The following WWP1 variants were observed in gnomAD, a reference collection of about 807,000 sequenced individuals.
The protein encoded by WWP1 is WW domain containing E3 ubiquitin protein ligase 1.
In WWP1, 49 loss-of-function variants were observed where a neutral mutation model predicts 130.6. The observed-to-expected ratio is 0.38, with a 90% confidence interval of 0.30 to 0.48. WWP1 has a LOEUF of 0.48. Ranked by LOEUF, WWP1 falls within the 20% of genes least tolerant of loss-of-function variation. The pLI, the probability that WWP1 is intolerant of heterozygous loss-of-function variation, is 0.99. For missense variants in WWP1, 809 were observed against 1,100.6 expected (o/e 0.74, Z 3.75); for synonymous variants, 332 against 367.8 (o/e 0.90, Z 1.11).
intron 18 of WWP1, among the ~76,000 whole-genome samples, chr8:86,443,778 C>G (rs1022038640): frequency 6.6e-6 from 1 of 152,128 alleles, no homozygotes; most frequent in Non-Finnish European, 1.5e-5. Context: ...CTGAATCATG[C>G]AGATATCTTG....
At chr8:86,390,118 C>T (rs1459252015) in intron 5 of WWP1, among the ~76,000 whole-genome samples, 2 of 151,652 alleles carry the variant, frequency 1.3e-5, no homozygotes, top group African/African-American at 2.4e-5. Context: ...CAGAGGCGCT[C>T]CCCACATCTC....
chr8:86,370,668 ATTCAT>A (rs1824233756), intron 2 of WWP1, among the ~76,000 whole-genome samples: 1 of 152,130 alleles, frequency 6.6e-6, no homozygotes, highest in Non-Finnish European at 1.5e-5. Flanking sequence ...CATCAAAATA[ATTCAT>A]TTCTTCTTTG....
chr8:86,448,714 T>A (rs1383130454), intron 20 of WWP1, among the ~76,000 whole-genome samples: 1 of 152,192 alleles, frequency 6.6e-6, no homozygotes, highest in African/African-American at 2.4e-5. Context: ...TCCCTTTCCA[T>A]GTCATTTTCC....
chr8:86,373,479 C>T (rs1824450505), intron 2 of WWP1, among the ~76,000 whole-genome samples: 1 of 152,000 alleles, frequency 6.6e-6, no homozygotes, highest in Non-Finnish European at 1.5e-5. Context: ...TTGAGGCTTC[C>T]CACCCCATGT....
chr8:86,408,266 G>T (rs1012452437), intron 8 of WWP1, among the ~76,000 whole-genome samples: 6 of 152,224 alleles, frequency 3.9e-5, no homozygotes, highest in Non-Finnish European at 7.4e-5. Flanking sequence ...TATTATAAAG[G>T]CTCCTTGGTT....
At chr8:86,458,117 A>G in intron 22 of WWP1, 92 bp downstream of exon 22, 1 of 1,042,908 alleles carries the variant, frequency 9.6e-7, no homozygotes. Flanking sequence ...TTTAATTGAG[A>G]CTGCTTTTGG....
intron 1 of WWP1, among the ~76,000 whole-genome samples, chr8:86,348,945 A>G (rs892466125): frequency 6.6e-6 from 1 of 152,148 alleles, no homozygotes; most frequent in Admixed American, 6.5e-5. Context: ...TTTCTCTCCA[A>G]GTAGCCTTTC....
chr8:86,466,474 T>G lies in WWP1; in HGVS notation c.2670-320T>G, dbSNP rs139560240. ...CTGAGTGGATGAAAGAAATGGACTC[T>G]TATCCTAAGAGAAGTTAAGAGGACT... On this transcript the variant is annotated intron_variant, in intron 24 of 24. Coordinates refer to ENST00000517970, the MANE Select transcript of WWP1 (RefSeq NM_007013.4). Among the ~76,000 whole-genome samples the G allele has an allele frequency of 9.8e-3, 1,497 of 152,110 alleles. 27 individuals carry two copies. Among genetic ancestry groups the G allele is most frequent in the African/African-American group, 0.034 (1,427 of 41,504 alleles).
chr8:86,400,639 T>C (rs1449147224), intron 7 of WWP1, among the ~76,000 whole-genome samples: 1 of 152,196 alleles, frequency 6.6e-6, no homozygotes. Context: ...CTTCTAACTC[T>C]AGAGAATAAT....
chr8:86,409,880 T>C (rs926672718), intron 8 of WWP1, among the ~76,000 whole-genome samples: 1 of 152,030 alleles, frequency 6.6e-6, no homozygotes, highest in African/African-American at 2.4e-5. Flanking sequence ...GTTCTTAAAA[T>C]GTTTTACAAT....
intron 17 of WWP1, among the ~76,000 whole-genome samples, chr8:86,441,353 T>C (rs1264168772): frequency 1.3e-5 from 2 of 152,232 alleles, no homozygotes; most frequent in Non-Finnish European, 2.9e-5. Flanking sequence ...TTACTATTTC[T>C]AGTTGATTTT....
At chr8:86,427,876 T>G in intron 11 of WWP1, 59 bp downstream of exon 11, 1 of 1,523,920 alleles carries the variant, frequency 6.6e-7, no homozygotes, top group South Asian at 1.3e-5. Context: ...TTCTTTCTTT[T>G]TTTTTTTTGC....
intron 3 of WWP1, among the ~76,000 whole-genome samples, chr8:86,378,788 T>G (rs1476138878): frequency 6.6e-6 from 1 of 152,174 alleles, no homozygotes; most frequent in Non-Finnish European, 1.5e-5. Flanking sequence ...TGGACGTATT[T>G]TGGATGGATC....
At position 86,369,273 on chromosome 8, in the gene WWP1, T is replaced by C. The variant is rs996027461; in HGVS notation, c.-22+242T>C. Among the ~76,000 whole-genome samples the C allele has an allele frequency of 5.9e-5, 9 of 152,324 alleles. No individual in the cohort carries two copies. In the East Asian group the frequency reaches 1.3e-3, roughly 23 times the overall value. On this transcript the variant is annotated intron_variant, in intron 2 of 24. Transcript: ENST00000517970. ...ATGACAGTACCTTATCTTTTAAGTG[T>C]CATACAACTTTATTAAATGAAGTGC...
At chr8:86,464,449 T>G (rs1043530915) in intron 24 of WWP1, among the ~76,000 whole-genome samples, 2 of 152,236 alleles carry the variant, frequency 1.3e-5, no homozygotes, top group African/African-American at 2.4e-5. Flanking sequence ...AACTTCTGTT[T>G]TAACTTCTAA....
intron 17 of WWP1, among the ~76,000 whole-genome samples, chr8:86,439,342 CA>C (rs59635746): frequency 0.22 from 28,444 of 126,920 alleles, 3,175 homozygotes; most frequent in Non-Finnish European, 0.28. Context: ...GACGCTGTGT[CA>C]AAAAAAAAAA....
rs1808591255 is a variant in WWP1 at position 86,411,628 on chromosome 8, A to G, written c.815A>G (p.Asn272Ser). Residue 272 changes from asparagine (N) to serine (S), a missense_variant, in exon 9 of 25, where the codon AAT (asparagine) becomes AGT (serine). Asn to Ser is a conservative substitution (Grantham distance 46, BLOSUM62 1). Transcript: ENST00000517970. ...TCTGAAGAAAATGCCTTGTCTCCAA[A>G]TTGCACTAGTACTACTGTTGAAGAT... is the stretch of plus-strand genomic sequence containing the variant. ...VVSEENALSP[N>S]CTSTTVEDPP... The G allele has an allele frequency of 6.2e-7, 1 of 1,614,154 alleles. No individual in the cohort carries two copies. The highest frequency in any genetic ancestry group is 2.2e-5 in the East Asian group (1 of 44,880).
chr8:86,364,113 TAC>T (rs1823825359), intron 1 of WWP1, among the ~76,000 whole-genome samples: 1 of 152,190 alleles, frequency 6.6e-6, no homozygotes, highest in South Asian at 2.1e-4. Context: ...GAATTTAAAG[TAC>T]TCAAAAATGT....
chr8:86,344,540 T>G (rs981224771), intron 1 of WWP1, among the ~76,000 whole-genome samples: 1 of 152,206 alleles, frequency 6.6e-6, no homozygotes, highest in African/African-American at 2.4e-5. Flanking sequence ...AGGTAGATAG[T>G]GCTATACACA....
Sources: gnomAD v4.1 joint callset for allele counts (sites outside exome capture counted in the v4.1 genomes callset) on GRCh38, gnomAD v4.1.1 for gene constraint, MANE v1.5 for transcripts, NCBI Gene and HGNC (gene_info 2026-07-23, HGNC 2026-07-21) for gene names.